Variants in POLR1F observed in about 807,000 individuals in gnomAD.
POLR1F encodes the protein RNA polymerase I subunit F, also known as DNA-directed RNA polymerase I subunit RPA43.
In POLR1F, 23 loss-of-function variants were observed where a neutral mutation model predicts 21.8. That is an observed-to-expected ratio of 1.05 (90% CI 0.76 to 1.49). POLR1F has a LOEUF of 1.49. Ranked by LOEUF, POLR1F falls within the 40% of genes most tolerant of loss-of-function variation. The pLI is 0.00. For synonymous variants in POLR1F, 162 were observed against 152.8 expected (o/e 1.06, Z -0.45); for missense variants, 435 against 412.1 (o/e 1.06, Z -0.48).
rs777819540 is a variant in POLR1F, at chr7:19,709,024, G to C, written c.-8C>G. 1 of 1,562,968 alleles carries C rather than the reference G, an allele frequency of 6.4e-7. No individual in the cohort carries two copies. Among genetic ancestry groups the C allele is most frequent in the Non-Finnish European group, 8.7e-7 (1 of 1,155,952 alleles). On this transcript the variant is annotated 5_prime_UTR_variant, in exon 1 of 4. Transcript: ENST00000222567. Reference sequence around the variant, plus strand: ...TGAGCAACCTGCAGCCATGCTGCTTGTCAAGGTTCCCACGGCGCGCGCCGT... The same window carrying C: ...TGAGCAACCTGCAGCCATGCTGCTTCTCAAGGTTCCCACGGCGCGCGCCGT...
intron 1 of POLR1F, 149 bp from the exon 2 acceptor site, chr7:19,705,069 T>C (rs1215279672): frequency 1.4e-6 from 1 of 698,568 alleles, no homozygotes; most frequent in African/African-American, 1.9e-5. Context: ...GCTCAATTGA[T>C]CCTTCTGCCT....
chr7:19,702,224 A>G (rs1783455134), intron 2 of POLR1F, among the ~76,000 whole-genome samples: 1 of 152,190 alleles, frequency 6.6e-6, no homozygotes, highest in Non-Finnish European at 1.5e-5. Context: ...TAATAGGGGA[A>G]AGGGGGTGGT....
intron 3 of POLR1F, among the ~76,000 whole-genome samples, chr7:19,699,734 G>A (rs1480424062): frequency 2.0e-5 from 3 of 152,016 alleles, no homozygotes; most frequent in African/African-American, 7.2e-5. Context: ...CAATAGTTAG[G>A]AAGGTAATTG....
In POLR1F at chr7:19,696,580, G is replaced by A. The variant is rs962597706; in HGVS notation, c.*1736C>T. ...GGGAACACTTACTAAGCATTTCCTG[G>A]GTATGCCACTATATTAAGTCCTAGT... On this transcript the variant is annotated 3_prime_UTR_variant, in exon 4 of 4. Transcript: ENST00000222567. 1 of 151,680 alleles carries A rather than the reference G, an allele frequency of 6.6e-6. No individual in the cohort carries two copies. The highest frequency in any genetic ancestry group is 2.4e-5 in the African/African-American group (1 of 41,294). The allele number at this position is 151,680 out of a possible 1,614,324, so 9.4% of individuals were successfully genotyped here.
In POLR1F at chr7:19,704,785, C is replaced by G. The variant is rs760151889; in HGVS notation, c.390G>C (p.Lys130Asn). The change falls in exon 2 of 4, where the codon AAG becomes AAC. Residue 130 changes from lysine to asparagine, a missense_variant. Physicochemically the swap from Lys to Asn is moderately conservative, Grantham distance 94. Transcript: ENST00000222567. ...AAAAAAGTGATACACATACCATAAGCTTCTGCCCTGGTTCAGGGCAGAAAA... is the reference window on the plus strand; with the variant it reads ...AAAAAAGTGATACACATACCATAAGGTTCTGCCCTGGTTCAGGGCAGAAAA... ...FVIFCPEPGQ[K>N]LMGIVNKVSS... 55 of 1,595,604 alleles carry G rather than the reference C, an allele frequency of 3.4e-5. No individual in the cohort carries two copies. In the East Asian group the frequency reaches 1.2e-3, roughly 36 times the overall value.
chr7:19,707,823 T>A (rs1281906748), intron 1 of POLR1F, among the ~76,000 whole-genome samples: 1 of 152,098 alleles, frequency 6.6e-6, no homozygotes, highest in Admixed American at 6.6e-5. Context: ...ATACAAGAAG[T>A]GTATATTGGT....
At chr7:19,701,366 G>A (rs895505886) in intron 2 of POLR1F, among the ~76,000 whole-genome samples, 2 of 152,214 alleles carry the variant, frequency 1.3e-5, no homozygotes, top group African/African-American at 4.8e-5. Context: ...GGTTGCCAGG[G>A]ATTACAGGGA....
Position 19,698,024 on chromosome 7 carries a change from G to A in POLR1F, c.*292C>T, listed in dbSNP as rs1024754307. 4.1e-6 allele frequency: 1 copy of A among 241,920 alleles called. No individual in the cohort carries two copies. 15.0% of individuals were successfully genotyped at this position (241,920 alleles called of 1,614,324 possible). On this transcript the variant is annotated 3_prime_UTR_variant, in exon 4 of 4. Transcript: ENST00000222567. ...ATTATAAAGTCCTTTGGCTAGTCTT[G>A]ACATTGTAGAAATAATTTTATGTAG...
intron 2 of POLR1F, 47 bp from the exon 3 acceptor site, chr7:19,700,327 C>G: frequency 6.8e-7 from 1 of 1,479,576 alleles, no homozygotes; most frequent in Non-Finnish European, 9.4e-7. Flanking sequence ...AACACATCCA[C>G]AAAGTTAAAA....
intron 2 of POLR1F, among the ~76,000 whole-genome samples, chr7:19,704,413 T>C (rs1783488464): frequency 6.6e-6 from 1 of 152,228 alleles, no homozygotes; most frequent in South Asian, 2.1e-4. Flanking sequence ...CCTGGCCCAT[T>C]TGAATTCCTG....
Position 19,699,979 on chromosome 7 carries a change from TATTCTCTTTAAAATTAAAATAAA to T in POLR1F, c.605+70_605+92del, listed in dbSNP as rs1783428199. On this transcript the variant is annotated intron_variant, in intron 3 of 3. Transcript: ENST00000222567. ...ATAAACAGGTATTTTTAGAGAGGCTTATTCTCTTTAAAATTAAAATAAAATTCTCTTTAAAATTCAGAATTAAA... is the reference window on the plus strand; with the variant it reads ...ATAAACAGGTATTTTTAGAGAGGCTTATTCTCTTTAAAATTCAGAATTAAA... The T allele has an allele frequency of 1.2e-5, 13 of 1,070,826 alleles. No homozygotes were observed. The Admixed American group carries it at 2.2e-4, about 18-fold the overall frequency. 66.3% of individuals were successfully genotyped at this position (1,070,826 alleles called of 1,614,324 possible). A position where few individuals can be genotyped will look rare whatever the true frequency, so the allele number is the denominator to read the frequency against.
intron 3 of POLR1F, among the ~76,000 whole-genome samples, chr7:19,699,852 T>C (rs1783427052): frequency 6.6e-6 from 1 of 152,142 alleles, no homozygotes; most frequent in Admixed American, 6.5e-5. Flanking sequence ...TACAGACCAG[T>C]TAGCTAGTCT....
In POLR1F at chr7:19,698,388, G is replaced by A; in HGVS notation, c.945C>T (p.His315=). 1 of 1,599,518 alleles carries A rather than the reference G, an allele frequency of 6.3e-7. No homozygotes were observed. Residue 315 remains histidine (H), a synonymous_variant, in exon 4 of 4, where the codon CAC becomes CAT. Transcript: ENST00000222567. ...DHKKKKKKRK[H]SEEAEFTPPL... ...GTGGGGTAAATTCGGCCTCTTCACT[G>A]TGTTTTCTTTTCTTTTTTTTCTTTT...
chr7:19,705,975 G>A (rs1783518969), intron 1 of POLR1F, among the ~76,000 whole-genome samples: 1 of 152,130 alleles, frequency 6.6e-6, no homozygotes, highest in Non-Finnish European at 1.5e-5. Flanking sequence ...ACTCCTATAG[G>A]CCAACTTTCT....
chr7:19,701,947 G>A (rs760419536), intron 2 of POLR1F, among the ~76,000 whole-genome samples: 1 of 152,098 alleles, frequency 6.6e-6, no homozygotes, highest in Non-Finnish European at 1.5e-5. Flanking sequence ...ACACTCAGCA[G>A]TACTGGCAAA....
At chr7:19,701,853 A>AT (rs1783450571) in intron 2 of POLR1F, among the ~76,000 whole-genome samples, 1 of 151,932 alleles carries the variant, frequency 6.6e-6, no homozygotes, top group Non-Finnish European at 1.5e-5. Context: ...TCTGTTGTTA[A>AT]TTGTATACGA....
Position 19,708,918 on chromosome 7 carries a change from A to C in POLR1F, c.99T>G (p.Thr33=). 1 of 1,614,008 alleles carries C rather than the reference A, an allele frequency of 6.2e-7. No individual in the cohort carries two copies. The change falls in exon 1 of 4, where the codon ACT becomes ACG. Residue 33 remains threonine (T), a synonymous_variant. Transcript: ENST00000222567. ...TCACCAGCGCACAAGCAGCGGCATA[A>C]GTCGGCAACTCTAGGCAAGGCAGGA... ...AGVLPCLELP[T]YAAACALVNS... is the part of the protein sequence containing the mutation.
intron 1 of POLR1F, among the ~76,000 whole-genome samples, chr7:19,705,183 C>T (rs1271131915): frequency 6.6e-6 from 1 of 152,152 alleles, no homozygotes; most frequent in Non-Finnish European, 1.5e-5. Flanking sequence ...TACACATCTC[C>T]TAAATACACC....
intron 1 of POLR1F, among the ~76,000 whole-genome samples, chr7:19,707,365 ACAACC>A (rs1268201242): frequency 2.0e-5 from 3 of 152,206 alleles, no homozygotes; most frequent in Non-Finnish European, 4.4e-5. Flanking sequence ...AAAAACAACA[ACAACC>A]CCACCTTACC....
Sources: allele counts gnomAD v4.1 joint callset (sites outside exome capture counted in the v4.1 genomes callset), GRCh38; gene constraint gnomAD v4.1.1; transcripts MANE v1.5; gene names NCBI Gene and HGNC (gene_info 2026-07-23, HGNC 2026-07-21).